The following STK31 variants were observed in gnomAD, a reference collection of about 807,000 sequenced individuals.
STK31 encodes the protein serine/threonine-protein kinase 31.
In STK31, 89 loss-of-function variants were observed where a neutral mutation model predicts 129.7. The ratio of observed to expected loss-of-function variants is 0.69; its 90% CI spans 0.58 to 0.82. STK31 has a LOEUF of 0.82. Among genes scored for constraint, STK31 ranks in the 40% least tolerant of loss-of-function variants. STK31 has a pLI of 0.00. For synonymous variants in STK31, 448 were observed against 395.3 expected (o/e 1.13, Z -1.58); for missense variants, 1,187 against 1,176.4 (o/e 1.01, Z -0.13).
In STK31 at chr7:23,765,349, G is replaced by A. The variant is rs1047392289; in HGVS notation, c.1416+2426G>A. Reference sequence around the variant, plus strand: ...TTTACAGGTGTGAGCCACCGCACCTGGCTTCTCCCTTTATTTTTAACCTTT... The same window carrying A: ...TTTACAGGTGTGAGCCACCGCACCTAGCTTCTCCCTTTATTTTTAACCTTT... On this transcript the variant is annotated intron_variant, in intron 11 of 23. Coordinates refer to ENST00000355870, the MANE Select transcript of STK31 (RefSeq NM_031414.5). Among the ~76,000 whole-genome samples the A allele has an allele frequency of 5.9e-5, 9 of 151,958 alleles. No individual in the cohort carries two copies. In the East Asian group the frequency reaches 1.5e-3, roughly 26 times the overall value.
In STK31 at chr7:23,717,572, C is replaced by G. The variant is rs1786427232; in HGVS notation, c.242C>G (p.Pro81Arg). 4 of 1,609,812 alleles carry G rather than the reference C, an allele frequency of 2.5e-6. No individual in the cohort carries two copies. The highest frequency in any genetic ancestry group is 1.3e-5 in the African/African-American group (1 of 74,866). ...QASSVLGNLDPNKIYGGLFSE... is the reference protein window; with the variant it reads ...QASSVLGNLDRNKIYGGLFSE... ...AGTTCAGTTTTGGGGAATCTTGACC[C>G]AAACAAGGTGAGCCATATTCTTGAA... is the stretch of plus-strand genomic sequence containing the variant. The change falls in exon 4 of 24, where the codon CCA becomes CGA. Residue 81 changes from proline to arginine, a missense_variant. Coordinates refer to ENST00000355870, the MANE Select transcript of STK31 (RefSeq NM_031414.5).
chr7:23,830,592 TTGTGTGTGTGTGTGTG>T (rs3034048), intron 23 of STK31, among the ~76,000 whole-genome samples: 1,517 of 142,246 alleles, frequency 0.011, 27 homozygotes, highest in African/African-American at 0.037. Flanking sequence ...AATTTCCATG[TTGTGTGTGTGTGTGTG>T]TGTGTGTGTG....
chr7:23,740,916 A>C (rs545995326), intron 8 of STK31, among the ~76,000 whole-genome samples: 1 of 152,232 alleles, frequency 6.6e-6, no homozygotes, highest in East Asian at 1.9e-4. Context: ...AGTAAAGGCA[A>C]GATAAATACT....
intron 5 of STK31, among the ~76,000 whole-genome samples, chr7:23,727,952 T>G (rs893644154): frequency 6.6e-6 from 1 of 152,110 alleles, no homozygotes; most frequent in African/African-American, 2.4e-5. Context: ...ACATTTTGAT[T>G]GATTCTTCTG....
At chr7:23,714,068 C>T (rs1173197221) in intron 3 of STK31, among the ~76,000 whole-genome samples, 1 of 152,048 alleles carries the variant, frequency 6.6e-6, no homozygotes, top group East Asian at 1.9e-4. Flanking sequence ...AGGAATTTTT[C>T]AGCTTCATTA....
rs1791370344 is a variant in STK31, at chr7:23,787,732, G to A, written c.2488-248G>A. 8.5e-5 allele frequency among the ~76,000 whole-genome samples: 12 copies of A among 141,218 alleles called. No homozygotes were observed. In the South Asian group the frequency reaches 2.7e-3, roughly 32 times the overall value. 92.6% of individuals were successfully genotyped at this position (141,218 alleles called of 152,430 possible). A position where few individuals can be genotyped will look rare whatever the true frequency, so the allele number is the denominator to read the frequency against. On this transcript the variant is annotated intron_variant, in intron 20 of 23. Transcript: ENST00000355870. Reference sequence around the variant, plus strand: ...GAAACCGGTCCCTGGTGCCCAAAAGGTATGATTGTACACACACACACACAC... The same window carrying A: ...GAAACCGGTCCCTGGTGCCCAAAAGATATGATTGTACACACACACACACAC...
chr7:23,777,972 AC>A (rs1790666719), intron 15 of STK31, among the ~76,000 whole-genome samples: 1 of 152,062 alleles, frequency 6.6e-6, no homozygotes, highest in East Asian at 1.9e-4. Flanking sequence ...ATTGGCTGGA[AC>A]CAGTTGTTCC....
chr7:23,782,247 C>T (rs6944575), intron 16 of STK31, among the ~76,000 whole-genome samples: 32,454 of 151,530 alleles, frequency 0.21, 3,768 homozygotes, highest in Middle Eastern at 0.31. Context: ...CCGAGGCGGG[C>T]GGATCACTTG....
chr7:23,769,742 G>A lies in STK31; in HGVS notation c.1699G>A (p.Glu567Lys). The change falls in exon 13 of 24, where the codon GAG becomes AAG. Residue 567 changes from glutamate to lysine, a missense_variant. Glu to Lys is a moderately conservative substitution (Grantham distance 56, BLOSUM62 1). Transcript: ENST00000355870. ...TGAGTCAAGTGTCTGCAAAGAGCTG[G>A]AGATAGCTCTGGTTGTGAGTATCGA... ...KTESSVCKELEIALVDQGDAD... is the reference protein window; with the variant it reads ...KTESSVCKELKIALVDQGDAD... 2 of 1,601,482 alleles carry A rather than the reference G, an allele frequency of 1.2e-6. No homozygotes were observed. Among genetic ancestry groups the A allele is most frequent in the Non-Finnish European group, 1.7e-6 (2 of 1,170,566 alleles).
At chr7:23,716,034 T>C (rs893888690) in intron 3 of STK31, among the ~76,000 whole-genome samples, 5 of 152,196 alleles carry the variant, frequency 3.3e-5, no homozygotes, top group African/African-American at 1.2e-4. Context: ...AGTACAATGC[T>C]ATTAACTAAA....
At chr7:23,795,895 A>G (rs959968311) in intron 22 of STK31, among the ~76,000 whole-genome samples, 1 of 152,244 alleles carries the variant, frequency 6.6e-6, no homozygotes, top group Non-Finnish European at 1.5e-5. Context: ...CATTGTATCA[A>G]GGAAGTAACT....
At chr7:23,826,775 T>G (rs1794180055) in intron 23 of STK31, among the ~76,000 whole-genome samples, 2 of 152,228 alleles carry the variant, frequency 1.3e-5, no homozygotes, top group African/African-American at 4.8e-5. Flanking sequence ...ACGAGCTCTT[T>G]TAGGGCAGGT....
chr7:23,713,990 A>G (rs906442944), intron 3 of STK31, among the ~76,000 whole-genome samples: 1 of 152,202 alleles, frequency 6.6e-6, no homozygotes, highest in Non-Finnish European at 1.5e-5. Flanking sequence ...TTACACCAGC[A>G]TCACCACAAA....
intron 6 of STK31, among the ~76,000 whole-genome samples, chr7:23,732,193 C>T (rs1584347222): frequency 6.6e-6 from 1 of 151,896 alleles, no homozygotes; most frequent in East Asian, 1.9e-4. Context: ...TGCCTGTAGT[C>T]CCCGCTACTC....
At chr7:23,801,633 A>AT (rs1208175388) in intron 22 of STK31, among the ~76,000 whole-genome samples, 1 of 151,932 alleles carries the variant, frequency 6.6e-6, no homozygotes, top group African/African-American at 2.4e-5. Flanking sequence ...AGACTTGAAT[A>AT]TTTTTTCTTA....
At chr7:23,774,953 A>G (rs1036105411) in intron 15 of STK31, among the ~76,000 whole-genome samples, 2 of 152,208 alleles carry the variant, frequency 1.3e-5, no homozygotes, top group Admixed American at 6.5e-5. Context: ...TAATTTTTGT[A>G]TAAGGTGTAA....
chr7:23,728,976 A>G, intron 5 of STK31, 115 bp from the exon 6 acceptor site: 1 of 841,686 alleles, frequency 1.2e-6, no homozygotes, highest in Non-Finnish European at 1.7e-6. Context: ...TGTCATTTTG[A>G]GGTAAGAATG....
At position 23,769,430 on chromosome 7, in the gene STK31, CATTT is replaced by C. The variant is rs201381352; in HGVS notation, c.1597-201_1597-198del. Among the ~76,000 whole-genome samples, 576 of 152,112 alleles carry C rather than the reference CATTT, an allele frequency of 3.8e-3. 5 individuals are homozygous for C. Among genetic ancestry groups the C allele is most frequent in the African/African-American group, 0.013 (555 of 41,518 alleles). The stretch of plus-strand genomic sequence containing the variant: ...GGATTGTCCTCTTTCCTCTTTTAAC[CATTT>C]ATTTATTTTCTTACAGTATGCTATG... On this transcript the variant is annotated intron_variant, in intron 12 of 23. Transcript: ENST00000355870.
intron 23 of STK31, among the ~76,000 whole-genome samples, chr7:23,831,251 T>G (rs1369066317): frequency 3.3e-5 from 5 of 152,230 alleles, no homozygotes; most frequent in Admixed American, 3.3e-4. Flanking sequence ...TCCCTTTAGA[T>G]CTAATAATAT....
Sources: allele counts gnomAD v4.1 joint callset (sites outside exome capture counted in the v4.1 genomes callset), GRCh38; gene constraint gnomAD v4.1.1; transcripts MANE v1.5; gene names NCBI Gene and HGNC (gene_info 2026-07-23, HGNC 2026-07-21).